Variants in SLIT2 observed in about 807,000 individuals in gnomAD.
SLIT2 encodes the protein slit homolog 2 protein.
In SLIT2, 41 loss-of-function variants were observed where a neutral mutation model predicts 185.7. The observed-to-expected ratio is 0.22, with a 90% CI of 0.17 to 0.29. SLIT2 has a LOEUF of 0.29. Among genes scored for constraint, SLIT2 ranks in the 10% least tolerant of loss-of-function variants. The pLI, the probability that SLIT2 is intolerant of heterozygous loss-of-function variation, is 1.00. For missense variants in SLIT2, 1,571 were observed against 1,909.0 expected, an observed-to-expected ratio of 0.82 and a Z score of 3.30; for synonymous variants, 693 against 680.2, an observed-to-expected ratio of 1.02 and a Z score of -0.29.
chr4:20,346,264 G>A (rs1346401638), intron 4 of SLIT2, among the ~76,000 whole-genome samples: 1 of 152,108 alleles, frequency 6.6e-6, no homozygotes, highest in African/African-American at 2.4e-5. Context: ...CCAAAGTGTT[G>A]AGATTACAGG....
At chr4:20,495,094 G>A (rs1328209837) in intron 9 of SLIT2, among the ~76,000 whole-genome samples, 3 of 152,192 alleles carry the variant, frequency 2.0e-5, no homozygotes, top group Non-Finnish European at 4.4e-5. Flanking sequence ...ATTGTTCTTA[G>A]AAGGTTCCAT....
In SLIT2 at chr4:20,447,756, G is replaced by A. The variant is rs79115390; in HGVS notation, c.396-19996G>A. Among the ~76,000 whole-genome samples the A allele has an allele frequency of 9.7e-3, 1,475 of 152,236 alleles. 30 individuals carry two copies. The highest frequency in any genetic ancestry group is 0.034 in the African/African-American group (1,402 of 41,528). ...AAAAAAAGTAAAACCTAAAAGAACC[G>A]CTCTCTGTTTCTCCTAAACACACGG... On this transcript the variant is annotated intron_variant, in intron 4 of 36. Coordinates refer to ENST00000504154, the MANE Select transcript of SLIT2 (RefSeq NM_004787.4).
intron 26 of SLIT2, among the ~76,000 whole-genome samples, chr4:20,561,080 G>A (rs1227544512): frequency 6.6e-6 from 1 of 151,826 alleles, no homozygotes; most frequent in African/African-American, 2.4e-5. Flanking sequence ...AGGCCAACAG[G>A]AAATTCTTCT....
intron 4 of SLIT2, among the ~76,000 whole-genome samples, chr4:20,335,156 T>C (rs1424770900): frequency 6.6e-6 from 1 of 152,118 alleles, no homozygotes; most frequent in Non-Finnish European, 1.5e-5. Context: ...CCTGGGAATT[T>C]GGGAGCTACA....
Position 20,488,864 on chromosome 4 carries a change from G to A in SLIT2, c.657G>A (p.Trp219Ter). 1.2e-6 allele frequency: 2 copies of A among 1,610,886 alleles called. No homozygotes were observed. Among genetic ancestry groups the A allele is most frequent in the Non-Finnish European group, 1.7e-6 (2 of 1,177,596 alleles). Residue 219 changes from tryptophan (W) to a stop codon, truncating the protein, a stop_gained, in exon 8 of 37, where the codon TGG becomes TGA. Transcript: ENST00000504154. LOFTEE classifies it high-confidence loss of function. ...TGTATTGTGACTGCCACCTGGCCTGGCTCTCCGACTGGCTTCGCCAAAGGC... is the reference window on the plus strand; with the variant it reads ...TGTATTGTGACTGCCACCTGGCCTGACTCTCCGACTGGCTTCGCCAAAGGC... ...NNLYCDCHLA[W>*]LSDWLRQRPR...
At chr4:20,298,249 C>T (rs532541498) in intron 4 of SLIT2, among the ~76,000 whole-genome samples, 8 of 151,932 alleles carry the variant, frequency 5.3e-5, no homozygotes, top group African/African-American at 1.4e-4. Flanking sequence ...CCACCATGCC[C>T]GGCTAATTTT....
chr4:20,319,806 CA>C (rs200940864), intron 4 of SLIT2, among the ~76,000 whole-genome samples: 93 of 88,846 alleles, frequency 1.0e-3, no homozygotes, highest in Middle Eastern at 5.5e-3. Flanking sequence ...CACTAAAAAA[CA>C]AAACAAAAAA....
chr4:20,364,825 A>T (rs1001114257), intron 4 of SLIT2, among the ~76,000 whole-genome samples: 3 of 152,144 alleles, frequency 2.0e-5, no homozygotes, highest in Admixed American at 2.0e-4. Flanking sequence ...ATTAATTGTA[A>T]TATACTGTGA....
chr4:20,302,947 A>G lies in SLIT2; in HGVS notation c.395+34066A>G, dbSNP rs76930940. Reference sequence around the variant, plus strand: ...TTCGTTAAAATCCATTCACTGATGAAATCTTATCCCATTATCTACATTAAA... The same window carrying G: ...TTCGTTAAAATCCATTCACTGATGAGATCTTATCCCATTATCTACATTAAA... On this transcript the variant is annotated intron_variant, in intron 4 of 36. Transcript: ENST00000504154. Among the ~76,000 whole-genome samples, 42 of 151,816 alleles carry G rather than the reference A, an allele frequency of 2.8e-4. 1 individual carries two copies. The East Asian group carries it at 3.1e-3, about 11-fold the overall frequency.
chr4:20,363,418 C>T (rs1339019310), intron 4 of SLIT2, among the ~76,000 whole-genome samples: 2 of 152,092 alleles, frequency 1.3e-5, no homozygotes, highest in African/African-American at 4.8e-5. Flanking sequence ...AGAGAATTTA[C>T]ATCTATGTTT....
intron 4 of SLIT2, among the ~76,000 whole-genome samples, chr4:20,359,619 C>T (rs937641467): frequency 6.6e-6 from 1 of 151,890 alleles, no homozygotes; most frequent in African/African-American, 2.4e-5. Flanking sequence ...AGGTCTTGAA[C>T]CAAGCAGATA....
At chr4:20,382,607 A>G (rs1485149918) in intron 4 of SLIT2, among the ~76,000 whole-genome samples, 1 of 152,200 alleles carries the variant, frequency 6.6e-6, no homozygotes, top group Non-Finnish European at 1.5e-5. Flanking sequence ...AATAGAATAT[A>G]TATTCAGTCT....
At chr4:20,387,435 T>A (rs1284255751) in intron 4 of SLIT2, among the ~76,000 whole-genome samples, 1 of 152,146 alleles carries the variant, frequency 6.6e-6, no homozygotes, top group African/African-American at 2.4e-5. Flanking sequence ...TAGTATTGTT[T>A]ACCATTTTTG....
chr4:20,538,571 A>C (rs1722512747), intron 18 of SLIT2, among the ~76,000 whole-genome samples: 1 of 152,244 alleles, frequency 6.6e-6, no homozygotes, highest in East Asian at 1.9e-4. Flanking sequence ...GTTTAGAAAA[A>C]TTAAGGAATA....
rs1729982131 is a variant in SLIT2 at position 20,620,251 on chromosome 4, G to A, written c.*1242G>A. ...GGGGTGAGGTGGGGATAAAAAGACT[G>A]TCATATCAAGAACTGTGACTTTTCT... On this transcript the variant is annotated 3_prime_UTR_variant, in exon 37 of 37. Coordinates refer to ENST00000504154, the MANE Select transcript of SLIT2 (RefSeq NM_004787.4). The A allele has an allele frequency of 6.0e-6, 2 of 333,860 alleles. No homozygotes were observed. The highest frequency in any genetic ancestry group is 9.0e-5 in the Admixed American group (2 of 22,222). 20.7% of individuals were successfully genotyped at this position (333,860 alleles called of 1,614,324 possible).
rs755145264 is a variant in SLIT2, at chr4:20,618,860, G to C, written c.4441G>C (p.Glu1481Gln). 5.6e-6 allele frequency: 9 copies of C among 1,614,160 alleles called. No homozygotes were observed. The highest frequency in any genetic ancestry group is 7.6e-6 in the Non-Finnish European group (9 of 1,180,014). Residue 1481 changes from glutamate to glutamine, a missense_variant, in exon 37 of 37, where the codon GAG becomes CAG. By Grantham distance (29) the Glu-to-Gln change is conservative. Transcript: ENST00000504154. ...AACAACCAAGAAGGTGTCCCGATTA[G>C]AGTGCAGAGGTGGGTGTGCAGGAGG... ...CQTTKKVSRL[E>Q]CRGGCAGGQC...
intron 4 of SLIT2, among the ~76,000 whole-genome samples, chr4:20,281,320 A>T (rs1179964137): frequency 1.3e-5 from 2 of 152,212 alleles, no homozygotes; most frequent in Admixed American, 6.5e-5. Flanking sequence ...GCAAATCAAG[A>T]TAATATAATG....
At chr4:20,438,383 G>A (rs1729506374) in intron 4 of SLIT2, among the ~76,000 whole-genome samples, 2 of 152,096 alleles carry the variant, frequency 1.3e-5, no homozygotes, top group African/African-American at 4.8e-5. Context: ...CACATCTTAC[G>A]TGAATGGCCA....
rs532670112 is a variant in SLIT2, at chr4:20,389,578, C to T, written c.396-78174C>T. Among the ~76,000 whole-genome samples the T allele has an allele frequency of 9.3e-4, 141 of 150,838 alleles. 1 individual carries two copies. The highest frequency in any genetic ancestry group is 3.2e-3 in the African/African-American group (131 of 41,034). On this transcript the variant is annotated intron_variant, in intron 4 of 36. Transcript: ENST00000504154. ...AGATTTTGAGAGTGTTTTGTGGCTACAGAATAATCTAGTTTTTCCTTTTAT... is the reference window on the plus strand; with the variant it reads ...AGATTTTGAGAGTGTTTTGTGGCTATAGAATAATCTAGTTTTTCCTTTTAT...
Sources: gnomAD v4.1 joint callset for allele counts (sites outside exome capture counted in the v4.1 genomes callset) on GRCh38, gnomAD v4.1.1 for gene constraint, MANE v1.5 for transcripts, NCBI Gene and HGNC (gene_info 2026-07-23, HGNC 2026-07-21) for gene names.